The following AGBL4 variants were observed in gnomAD, a reference collection of about 807,000 sequenced individuals.
AGBL4 encodes cytosolic carboxypeptidase 6.
In AGBL4, 58 loss-of-function variants were observed where a neutral mutation model predicts 66.4. The observed-to-expected ratio is 0.87, with a 90% CI of 0.71 to 1.09. The LOEUF is 1.09. Ranked by LOEUF, AGBL4 falls within the 50% of genes least tolerant of loss-of-function variation. AGBL4 has a pLI of 0.00. For synonymous variants in AGBL4, 234 were observed against 222.9 expected, an observed-to-expected ratio of 1.05 and a Z score of -0.44; for missense variants, 579 against 631.0, an observed-to-expected ratio of 0.92 and a Z score of 0.88.
At chr1:49,121,269 C>T (rs944755260) in intron 4 of AGBL4, among the ~76,000 whole-genome samples, 3 of 152,168 alleles carry the variant, frequency 2.0e-5, no homozygotes, top group African/African-American at 7.2e-5. Flanking sequence ...AGCTGCAATC[C>T]TTTGGAGGAG....
chr1:49,894,849 AT>A (rs1315411916), intron 1 of AGBL4, among the ~76,000 whole-genome samples: 1 of 152,052 alleles, frequency 6.6e-6, no homozygotes, highest in Non-Finnish European at 1.5e-5. Context: ...ATGGGTAAAA[AT>A]TTTTTCAAAG....
At chr1:49,313,118 T>G (rs934415383) in intron 3 of AGBL4, among the ~76,000 whole-genome samples, 1 of 151,938 alleles carries the variant, frequency 6.6e-6, no homozygotes, top group Non-Finnish European at 1.5e-5. Flanking sequence ...AGTGAGAACA[T>G]GCGGTGTTTG....
At chr1:49,129,474 C>A (rs1394584674) in intron 4 of AGBL4, among the ~76,000 whole-genome samples, 1 of 151,524 alleles carries the variant, frequency 6.6e-6, no homozygotes, top group Non-Finnish European at 1.5e-5. Context: ...TCCCCCAACC[C>A]CACAACAGTC....
chr1:48,632,697 A>G (rs1645611594), intron 9 of AGBL4, among the ~76,000 whole-genome samples: 1 of 152,212 alleles, frequency 6.6e-6, no homozygotes, highest in Non-Finnish European at 1.5e-5. Context: ...TCTGTGTTCA[A>G]TCCAATTCAA....
At chr1:49,641,653 G>A (rs1008229519) in intron 3 of AGBL4, among the ~76,000 whole-genome samples, 7 of 151,976 alleles carry the variant, frequency 4.6e-5, no homozygotes, top group African/African-American at 1.4e-4. Flanking sequence ...CTTTTAAAGA[G>A]AGTCTCTTTT....
chr1:49,427,809 C>T (rs997688457), intron 3 of AGBL4, among the ~76,000 whole-genome samples: 2 of 152,214 alleles, frequency 1.3e-5, no homozygotes, highest in African/African-American at 4.8e-5. Context: ...CTTTTATTCC[C>T]TTATTTGGCC....
intron 3 of AGBL4, among the ~76,000 whole-genome samples, chr1:49,406,794 G>C (rs955789604): frequency 6.6e-6 from 1 of 151,714 alleles, no homozygotes; most frequent in South Asian, 2.1e-4. Flanking sequence ...GGCCAGGAGC[G>C]GTGGCTCATG....
At chr1:49,897,606 T>TC (rs1230875991) in intron 1 of AGBL4, among the ~76,000 whole-genome samples, 1 of 151,966 alleles carries the variant, frequency 6.6e-6, no homozygotes, top group Non-Finnish European at 1.5e-5. Context: ...AAAAAAATCC[T>TC]AAAATTTCTA....
intron 6 of AGBL4, among the ~76,000 whole-genome samples, chr1:48,723,260 G>C (rs922936558): frequency 5.3e-5 from 8 of 152,204 alleles, no homozygotes; most frequent in Middle Eastern, 3.2e-3. Flanking sequence ...GAAAGTCTCA[G>C]GGAGGTAGAT....
intron 6 of AGBL4, among the ~76,000 whole-genome samples, chr1:48,763,418 G>T (rs1299467960): frequency 6.6e-6 from 1 of 152,128 alleles, no homozygotes; most frequent in East Asian, 1.9e-4. Context: ...CTGCTAAAAT[G>T]TAAAATCTAA....
At chr1:49,758,682 A>G (rs1037629927) in intron 2 of AGBL4, among the ~76,000 whole-genome samples, 3 of 150,364 alleles carry the variant, frequency 2.0e-5, no homozygotes, top group African/African-American at 7.3e-5. Context: ...CCCAATGCCC[A>G]TAACCCAATC....
At chr1:48,949,304 T>C (rs936464820) in intron 5 of AGBL4, among the ~76,000 whole-genome samples, 7 of 152,046 alleles carry the variant, frequency 4.6e-5, no homozygotes, top group Non-Finnish European at 7.4e-5. Context: ...CAAAAGACTA[T>C]GGGGAAAGTA....
intron 3 of AGBL4, among the ~76,000 whole-genome samples, chr1:49,505,905 T>G (rs1648637338): frequency 6.6e-6 from 1 of 151,996 alleles, no homozygotes; most frequent in Non-Finnish European, 1.5e-5. Context: ...CCGTAAACTT[T>G]CCTTTTTCTT....
intron 2 of AGBL4, chr1:49,845,361 T>C: frequency 7.0e-7 from 1 of 1,422,288 alleles, no homozygotes; most frequent in East Asian, 2.3e-5. Flanking sequence ...CCTTCAGTTT[T>C]ATGTCCTCCT....
chr1:49,381,431 A>G (rs1188415712), intron 3 of AGBL4, among the ~76,000 whole-genome samples: 2 of 152,350 alleles, frequency 1.3e-5, no homozygotes, highest in Non-Finnish European at 1.5e-5. Flanking sequence ...TGTGGAAGTC[A>G]GTGTGGTGAT....
intron 5 of AGBL4, among the ~76,000 whole-genome samples, chr1:48,991,915 A>G (rs1469629258): frequency 6.6e-6 from 1 of 152,078 alleles, no homozygotes; most frequent in East Asian, 1.9e-4. Flanking sequence ...AATTTTGTCA[A>G]CTTTCCTCAA....
chr1:49,763,835 C>A (rs1474635631), intron 2 of AGBL4, among the ~76,000 whole-genome samples: 4 of 152,160 alleles, frequency 2.6e-5, no homozygotes, highest in Admixed American at 2.0e-4. Flanking sequence ...GTAGCCCCAA[C>A]AAGGGAGGAC....
chr1:49,114,198 T>A (rs989359148), intron 4 of AGBL4, among the ~76,000 whole-genome samples: 3 of 152,240 alleles, frequency 2.0e-5, no homozygotes, highest in African/African-American at 7.2e-5. Flanking sequence ...CTTAGCTAGA[T>A]CTTTTGGATA....
chr1:48,803,717 C>T lies in AGBL4; in HGVS notation c.634+63474G>A, dbSNP rs548357523. ...AAACTGGGTTAAAATCTTGGCTCTG[C>T]CTCTCAGGACCTGCAGACCTTGGGA... On this transcript the variant is annotated intron_variant, in intron 6 of 13. Transcript: ENST00000371839. Among the ~76,000 whole-genome samples the T allele has an allele frequency of 2.6e-4, 40 of 152,314 alleles. No individual in the cohort carries two copies. In the South Asian group the frequency reaches 4.6e-3, roughly 17 times the overall value.
Sources: allele counts gnomAD v4.1 joint callset (sites outside exome capture counted in the v4.1 genomes callset), GRCh38; gene constraint gnomAD v4.1.1; transcripts MANE v1.5; gene names NCBI Gene and HGNC (gene_info 2026-07-23, HGNC 2026-07-21).